The following HORMAD2 variants were observed in gnomAD, a reference collection of about 807,000 sequenced individuals.
HORMAD2 encodes the protein HORMA domain-containing protein 2.
Under a neutral mutation model 38.8 loss-of-function variants are expected in HORMAD2, and 45 were observed. The observed-to-expected ratio is 1.16, with a 90% CI of 0.91 to 1.49. The LOEUF (loss-of-function observed/expected upper bound fraction) is 1.49. Among genes scored for constraint, HORMAD2 ranks in the 40% most tolerant of loss-of-function variants. The pLI, the probability that HORMAD2 is intolerant of heterozygous loss-of-function variation, is 0.00. For synonymous variants in HORMAD2, 126 were observed against 122.8 expected, an observed-to-expected ratio of 1.03 and a Z score of -0.17; for missense variants, 338 against 367.0, an observed-to-expected ratio of 0.92 and a Z score of 0.65.
chr22:30,099,697 G>A (rs971572405), intron 3 of HORMAD2, among the ~76,000 whole-genome samples: 1 of 152,136 alleles, frequency 6.6e-6, no homozygotes, highest in Non-Finnish European at 1.5e-5. Flanking sequence ...GACCAGCCTG[G>A]CCAACATGGT....
downstream of HORMAD2, among the ~76,000 whole-genome samples, chr22:30,178,571 G>A (rs1357348279): frequency 1.3e-5 from 2 of 152,232 alleles, no homozygotes; most frequent in Non-Finnish European, 2.9e-5. Context: ...TGATTTATTA[G>A]AAGGAAAGAA....
chr22:30,168,578 A>T (rs1925924141), intron 10 of HORMAD2, among the ~76,000 whole-genome samples: 1 of 151,972 alleles, frequency 6.6e-6, no homozygotes, highest in African/African-American at 2.4e-5. Context: ...TCTATTTCCC[A>T]TCTTGGTCAC....
the HORMAD2 span, among the ~76,000 whole-genome samples, chr22:30,203,615 C>T: frequency 1.3e-5 from 2 of 152,172 alleles, no homozygotes; most frequent in Non-Finnish European, 2.9e-5. Flanking sequence ...CCGGCACATG[C>T]ATCCTCACAC....
At chr22:30,091,922 G>A (rs1260506828) in intron 1 of HORMAD2, among the ~76,000 whole-genome samples, 1 of 151,728 alleles carries the variant, frequency 6.6e-6, no homozygotes, top group Non-Finnish European at 1.5e-5. Context: ...TGTTGCCCAG[G>A]CTGGAGTGCA....
intron 7 of HORMAD2, among the ~76,000 whole-genome samples, chr22:30,115,803 A>G (rs1040425583): frequency 1.3e-5 from 2 of 152,210 alleles, no homozygotes; most frequent in African/African-American, 4.8e-5. Context: ...GAGAATGAAG[A>G]AGGAGGGATT....
intron 10 of HORMAD2, among the ~76,000 whole-genome samples, chr22:30,131,330 T>C (rs1923269662): frequency 6.6e-6 from 1 of 152,206 alleles, no homozygotes; most frequent in African/African-American, 2.4e-5. Flanking sequence ...TTATAGTTCT[T>C]TGAGAATTAA....
the HORMAD2 span, among the ~76,000 whole-genome samples, chr22:30,196,029 G>A: frequency 6.6e-6 from 1 of 152,206 alleles, no homozygotes; most frequent in Non-Finnish European, 1.5e-5. Context: ...CAGAGAGACT[G>A]CCCTTTCTGT....
chr22:30,180,873 C>CTTCCTTTCCCT (rs1926670326), downstream of HORMAD2, among the ~76,000 whole-genome samples: 1 of 122,556 alleles, frequency 8.2e-6, no homozygotes, highest in African/African-American at 4.4e-5. Context: ...CCCTTCTTCC[C>CTTCCTTTCCCT]TTCCCTTTCC....
chr22:30,157,089 G>A (rs779838990), intron 10 of HORMAD2, among the ~76,000 whole-genome samples: 7 of 152,062 alleles, frequency 4.6e-5, no homozygotes, highest in Non-Finnish European at 1.0e-4. Context: ...GTGCTCTCTT[G>A]GCCACATCTC....
intron 1 of HORMAD2, among the ~76,000 whole-genome samples, chr22:30,082,924 G>T (rs931651128): frequency 6.6e-6 from 1 of 152,096 alleles, no homozygotes; most frequent in Non-Finnish European, 1.5e-5. Flanking sequence ...TAGAAATATT[G>T]CCTCTTTCTC....
intron 3 of HORMAD2, among the ~76,000 whole-genome samples, chr22:30,102,551 A>C (rs78471359): frequency 0.045 from 6,899 of 152,302 alleles, 516 homozygotes; most frequent in African/African-American, 0.16. Flanking sequence ...TAGGAAAACA[A>C]TACGAAAAGG....
downstream of HORMAD2, among the ~76,000 whole-genome samples, chr22:30,178,283 T>C (rs1206202150): frequency 6.6e-6 from 1 of 152,204 alleles, no homozygotes; most frequent in Non-Finnish European, 1.5e-5. Flanking sequence ...TCTAGAAAAT[T>C]TCTATAGTGA....
the HORMAD2 span, among the ~76,000 whole-genome samples, chr22:30,206,116 C>T: frequency 0.028 from 4,277 of 152,200 alleles, 139 homozygotes; most frequent in East Asian, 0.1. Context: ...CCATTATTCT[C>T]ACCCCCCGCC....
rs1197070235 is a variant in HORMAD2, at chr22:30,119,045, C to T, written c.408C>T (p.Asp136=). The part of the protein sequence containing the change: ...YTKEGATMDF[D]SHSSSTSFES... ...AAGAAGGAGCCACTATGGATTTTGA[C>T]AGGTAGAATCTAACTGCTTAATGAA... Residue 136 remains aspartate (D), a splice_region_variant and synonymous_variant, in exon 8 of 11, where the codon GAC becomes GAT. Coordinates refer to ENST00000336726, the MANE Select transcript of HORMAD2 (RefSeq NM_152510.4). 7 of 1,569,080 alleles carry T rather than the reference C, an allele frequency of 4.5e-6. No homozygotes were observed. The highest frequency in any genetic ancestry group is 6.1e-6 in the Non-Finnish European group (7 of 1,152,180).
At chr22:30,130,643 G>GT in intron 10 of HORMAD2, among the ~76,000 whole-genome samples, 1 of 145,466 alleles carries the variant, frequency 6.9e-6, no homozygotes, top group African/African-American at 2.6e-5. Context: ...CAGGCTGGAG[G>GT]GCAGTGACGC....
chr22:30,090,866 A>G (rs561199236), intron 1 of HORMAD2, among the ~76,000 whole-genome samples: 3 of 152,330 alleles, frequency 2.0e-5, no homozygotes, highest in East Asian at 3.8e-4. Context: ...TTTGTGTTGA[A>G]CTATTTTAAA....
intron 6 of HORMAD2, 41 bp from the exon 7 acceptor site, chr22:30,112,455 A>G: frequency 8.9e-7 from 1 of 1,122,686 alleles, no homozygotes; most frequent in Non-Finnish European, 1.3e-6. Flanking sequence ...GTAATCTAGT[A>G]AATTCCAGAA....
chr22:30,178,889 AG>A (rs554037028), downstream of HORMAD2, among the ~76,000 whole-genome samples: 88 of 152,328 alleles, frequency 5.8e-4, no homozygotes, highest in African/African-American at 1.9e-3. Flanking sequence ...GACATGGGTT[AG>A]GTTCATGATT....
chr22:30,171,877 C>T (rs945090750), intron 10 of HORMAD2, among the ~76,000 whole-genome samples: 2 of 152,002 alleles, frequency 1.3e-5, no homozygotes, highest in African/African-American at 2.4e-5. Context: ...GGGGAAAGAA[C>T]ATTTTAGGCA....
Sources: gnomAD v4.1 joint callset for allele counts (sites outside exome capture counted in the v4.1 genomes callset) on GRCh38, gnomAD v4.1.1 for gene constraint, MANE v1.5 for transcripts, NCBI Gene and HGNC (gene_info 2026-07-23, HGNC 2026-07-21) for gene names.